CEPT1: variants seen among roughly 807,000 people sequenced by gnomAD.
CEPT1 encodes the protein choline/ethanolaminephosphotransferase 1.
In CEPT1, 7 loss-of-function variants were observed where a neutral mutation model predicts 42.6. That is an observed-to-expected ratio of 0.16 (90% CI 0.09 to 0.31). The LOEUF (loss-of-function observed/expected upper bound fraction) is 0.31. Among genes scored for constraint, CEPT1 ranks in the 10% least tolerant of loss-of-function variants. The pLI, the probability that CEPT1 is intolerant of heterozygous loss-of-function variation, is 1.00. For missense variants in CEPT1, 306 were observed against 502.1 expected, an observed-to-expected ratio of 0.61 and a Z score of 3.73; for synonymous variants, 171 against 171.9, an observed-to-expected ratio of 0.99 and a Z score of 0.04.
At chr1:111,144,924 A>G (rs1256600888) in intron 1 of CEPT1, among the ~76,000 whole-genome samples, 3 of 152,214 alleles carry the variant, frequency 2.0e-5, no homozygotes, top group African/African-American at 7.2e-5. Context: ...ACTTTAAAAC[A>G]GTTTTAATCA....
rs768197781 is a variant in CEPT1, at chr1:111,182,234, T to C, written c.762T>C (p.Thr254=). 5.0e-6 allele frequency: 8 copies of C among 1,612,340 alleles called. 1 individual carries two copies. The South Asian group carries it at 8.8e-5, about 18-fold the overall frequency. ...IQMKIFPALC[T]VAGTIFSCTN... ...TGAAAATTTTTCCTGCACTTTGTAC[T>C]GTAGCAGGGACCATATTTTCCTGTA... The change falls in exon 6 of 9, where the codon ACT becomes ACC. Residue 254 remains threonine, a synonymous_variant. Transcript: ENST00000357172.
At chr1:111,155,719 G>A (rs1655527906) in intron 2 of CEPT1, among the ~76,000 whole-genome samples, 1 of 152,050 alleles carries the variant, frequency 6.6e-6, no homozygotes, top group African/African-American at 2.4e-5. Flanking sequence ...TGTGTTTTTA[G>A]TAGAGATGGG....
chr1:111,146,301 T>G (rs1294532963), intron 1 of CEPT1, among the ~76,000 whole-genome samples: 4 of 152,136 alleles, frequency 2.6e-5, no homozygotes, highest in African/African-American at 4.8e-5. Context: ...CATCTCTACT[T>G]AAAAGTCACA....
At chr1:111,153,018 C>T (rs191883991) in intron 2 of CEPT1, among the ~76,000 whole-genome samples, 293 of 152,210 alleles carry the variant, frequency 1.9e-3, no homozygotes, top group African/African-American at 6.7e-3. Flanking sequence ...ATATACAATG[C>T]ATTATTGTTA....
At chr1:111,159,611 A>G (rs1287443441) in intron 3 of CEPT1, 84 bp downstream of exon 3, 5 of 1,016,742 alleles carry the variant, frequency 4.9e-6, no homozygotes, top group East Asian at 2.8e-5. Context: ...ATGTTTAGTC[A>G]TGAGAATAAG....
At chr1:111,141,696 C>G (rs1250059749) in intron 1 of CEPT1, among the ~76,000 whole-genome samples, 1 of 152,214 alleles carries the variant, frequency 6.6e-6, no homozygotes, top group Non-Finnish European at 1.5e-5. Flanking sequence ...TTGTGTTACA[C>G]AGCCCTGTTT....
intron 4 of CEPT1, chr1:111,167,516 A>G (rs554835377): frequency 1.1e-6 from 1 of 883,562 alleles, no homozygotes; most frequent in Non-Finnish European, 1.4e-6. Context: ...AATTTTTTTT[A>G]TATTTCTATT....
intron 5 of CEPT1, chr1:111,180,858 C>G (rs1216317926): frequency 2.0e-5 from 3 of 152,130 alleles, no homozygotes; most frequent in Non-Finnish European, 4.4e-5. Flanking sequence ...GTGTAAACAG[C>G]CCTAATTAAA....
chr1:111,182,174 C>G lies in CEPT1; in HGVS notation c.715-13C>G, dbSNP rs781027575. The stretch of plus-strand genomic sequence containing the variant: ...TATATGTTTTAATTGTTTTCTCTCT[C>G]TACCCATTAAAGATTCCAGTGCTGA... On this transcript the variant is annotated splice_polypyrimidine_tract_variant and intron_variant, in intron 5 of 8. Transcript: ENST00000357172. The G allele has an allele frequency of 1.3e-6, 2 of 1,577,086 alleles. No homozygotes were observed.
chr1:111,144,024 C>G (rs1654812778), intron 1 of CEPT1, among the ~76,000 whole-genome samples: 1 of 152,198 alleles, frequency 6.6e-6, no homozygotes, highest in Admixed American at 6.5e-5. Flanking sequence ...AGCCACTGTT[C>G]CCAACATAGA....
intron 4 of CEPT1, among the ~76,000 whole-genome samples, chr1:111,164,621 G>C (rs1476695535): frequency 6.6e-6 from 1 of 151,658 alleles, no homozygotes; most frequent in Non-Finnish European, 1.5e-5. Context: ...GGATTGTTTT[G>C]TTTTGTTTTG....
Position 111,161,195 on chromosome 1 carries a change from G to C in CEPT1, c.528G>C (p.Gly176=), listed in dbSNP as rs753941514. Residue 176 remains glycine (G), a synonymous_variant, in exon 4 of 9, where the codon GGG becomes GGC. Coordinates refer to ENST00000357172, the MANE Select transcript of CEPT1 (RefSeq NM_006090.5). ...VLGTCIAVQL[G]TNPDWMFFCC... is the part of the protein sequence containing the mutation. ...GAACTTGTATTGCAGTGCAGCTGGG[G>C]ACAAACCCTGATTGGATGTTTTTTT... The C allele has an allele frequency of 6.2e-7, 1 of 1,614,042 alleles. No homozygotes were observed. Among genetic ancestry groups the C allele is most frequent in the Admixed American group, 1.7e-5 (1 of 60,016 alleles).
Position 111,182,209 on chromosome 1 carries a change from T to C in CEPT1, c.737T>C (p.Met246Thr), listed in dbSNP as rs904029520. The C allele has an allele frequency of 6.2e-7, 1 of 1,607,696 alleles. No homozygotes were observed. The highest frequency in any genetic ancestry group is 1.7e-5 in the Admixed American group (1 of 59,282). ...AAGATTCCAGTGCTGAATATTCAAATGAAAATTTTTCCTGCACTTTGTACT... is the reference window on the plus strand; with the variant it reads ...AAGATTCCAGTGCTGAATATTCAAACGAAAATTTTTCCTGCACTTTGTACT... ...QSMIPVLNIQ[M>T]KIFPALCTVA... Residue 246 changes from methionine (M) to threonine (T), a missense_variant, in exon 6 of 9, where the codon ATG becomes ACG. This residue lies in a region of CEPT1 where 253 missense variants were observed against 447.3 expected (regional missense o/e 0.57). Transcript: ENST00000357172.
chr1:111,142,678 G>T (rs181143523), intron 1 of CEPT1, among the ~76,000 whole-genome samples: 1 of 152,266 alleles, frequency 6.6e-6, no homozygotes, highest in East Asian at 1.9e-4. Context: ...ATTAAAATAA[G>T]TATTGATTAT....
chr1:111,184,678 A>G lies in CEPT1; in HGVS notation c.*368A>G, dbSNP rs1390187406. The G allele has an allele frequency of 6.4e-6, 1 of 156,218 alleles. No individual in the cohort carries two copies. The highest frequency in any genetic ancestry group is 6.4e-5 in the Admixed American group (1 of 15,524). The allele number at this position is 156,218 out of a possible 1,614,324, so 9.7% of individuals were successfully genotyped here. A position where few individuals can be genotyped will look rare whatever the true frequency, so the allele number is the denominator to read the frequency against. ...AGATGATTGCTTTATAATTTTAACA[A>G]ATCATTGTCTTTTAGTAACATCCTT... On this transcript the variant is annotated 3_prime_UTR_variant, in exon 9 of 9. Coordinates refer to ENST00000357172, the MANE Select transcript of CEPT1 (RefSeq NM_006090.5).
intron 3 of CEPT1, chr1:111,160,264 TA>T (rs1655799577): frequency 6.6e-6 from 1 of 152,222 alleles, no homozygotes; most frequent in Non-Finnish European, 1.5e-5. Context: ...AAAAGACACT[TA>T]AAATCTAAAT....
intron 6 of CEPT1, 72 bp from the exon 7 acceptor site, chr1:111,182,727 T>C: frequency 7.3e-7 from 1 of 1,364,478 alleles, no homozygotes; most frequent in Non-Finnish European, 9.9e-7. Flanking sequence ...AACTGTGAAC[T>C]GTTCTGCAGC....
chr1:111,140,619 G>T (rs1654425120), intron 1 of CEPT1: 1 of 152,650 alleles, frequency 6.6e-6, no homozygotes, highest in East Asian at 1.9e-4. Flanking sequence ...GTAGGGGTGG[G>T]AAGAACCGTG....
chr1:111,164,717 G>A (rs899877477), intron 4 of CEPT1, among the ~76,000 whole-genome samples: 8 of 151,958 alleles, frequency 5.3e-5, no homozygotes, highest in Middle Eastern at 3.4e-3. Flanking sequence ...TCCGCCTCCC[G>A]GGTTCAAGCA....
Sources: gnomAD v4.1 joint callset for allele counts (sites outside exome capture counted in the v4.1 genomes callset) on GRCh38, gnomAD v4.1.1 for gene constraint, gnomAD v4.1.1 regional missense constraint, MANE v1.5 for transcripts, NCBI Gene and HGNC (gene_info 2026-07-23, HGNC 2026-07-21) for gene names.